The following PTPRQ variants were observed in gnomAD, a reference collection of about 807,000 sequenced individuals.
PTPRQ encodes phosphatidylinositol phosphatase PTPRQ.
In PTPRQ, 199 loss-of-function variants were observed where a neutral mutation model predicts 246.0. That is an observed-to-expected ratio of 0.81 (90% CI 0.72 to 0.91). PTPRQ has a LOEUF of 0.91. Among genes scored for constraint, PTPRQ ranks in the 40% least tolerant of loss-of-function variants. The probability of loss-of-function intolerance (pLI) is 0.00; values close to 1 mark genes in which losing one functional copy is unlikely to be tolerated. For synonymous variants in PTPRQ, 869 were observed against 853.2 expected (o/e 1.02, Z -0.32); for missense variants, 2,624 against 2,528.4 (o/e 1.04, Z -0.81).
chr12:80,455,441 T>C (rs897077665), intron 3 of PTPRQ, among the ~76,000 whole-genome samples: 2 of 152,226 alleles, frequency 1.3e-5, no homozygotes, highest in African/African-American at 4.8e-5. Flanking sequence ...TGTTTTTACA[T>C]GTCTGTTGAC....
intron 28 of PTPRQ, 69 bp downstream of exon 28, chr12:80,610,694 ACTCCACC>A (rs1201683641): frequency 2.0e-6 from 3 of 1,497,076 alleles, no homozygotes; most frequent in Admixed American, 2.2e-5. Context: ...AGTTCATCAT[ACTCCACC>A]AAAAAAGGAT....
Position 80,542,502 on chromosome 12 carries a change from A to ATT in PTPRQ, c.3721+146_3721+147dup, listed in dbSNP as rs34864634. 9.0e-6 allele frequency: 12 copies of ATT among 1,331,514 alleles called. No homozygotes were observed. In the African/African-American group the frequency reaches 1.4e-4, roughly 15 times the overall value. 82.5% of individuals were successfully genotyped at this position (1,331,514 alleles called of 1,614,324 possible). ...CCTTACCATTATATTTACTTTGTTG[A>ATT]TTTTTTTTTGCAATTTGAGCTTCAG... On this transcript the variant is annotated intron_variant, in intron 22 of 44. Transcript: ENST00000644991.
intron 8 of PTPRQ, among the ~76,000 whole-genome samples, chr12:80,475,957 T>G (rs1452050613): frequency 6.6e-6 from 1 of 152,100 alleles, no homozygotes; most frequent in African/African-American, 2.4e-5. Context: ...CACATTAGTG[T>G]GTTGCGTTGA....
rs565998270 is a variant in PTPRQ, at chr12:80,623,782, A to C, written c.5686+1648A>C. Among the ~76,000 whole-genome samples the C allele has an allele frequency of 2.6e-5, 4 of 152,272 alleles. No homozygotes were observed. In the East Asian group the frequency reaches 7.7e-4, roughly 29 times the overall value. ...TCATGGGAAGGCAACATGTTCCGTC[A>C]GTTATCTGAGAGGCAAAGTTGAGAC... On this transcript the variant is annotated intron_variant, in intron 33 of 44. Transcript: ENST00000644991.
chr12:80,597,634 T>A (rs1898012101), intron 26 of PTPRQ, among the ~76,000 whole-genome samples: 1 of 152,004 alleles, frequency 6.6e-6, no homozygotes, highest in African/African-American at 2.4e-5. Flanking sequence ...AGAGTTGTAA[T>A]CATTGGTCAT....
chr12:80,636,869 C>T (rs960193535), intron 35 of PTPRQ, among the ~76,000 whole-genome samples: 4 of 152,146 alleles, frequency 2.6e-5, no homozygotes, highest in Admixed American at 6.5e-5. Context: ...AGGTTACATT[C>T]GAGGCAGACT....
intron 26 of PTPRQ, among the ~76,000 whole-genome samples, chr12:80,596,120 A>C (rs1897963379): frequency 1.3e-5 from 2 of 152,078 alleles, no homozygotes; most frequent in South Asian, 2.1e-4. Flanking sequence ...TTGATGGTCC[A>C]TGAAAGAACA....
intron 25 of PTPRQ, among the ~76,000 whole-genome samples, chr12:80,570,139 A>T (rs963290890): frequency 6.6e-6 from 1 of 152,046 alleles, no homozygotes; most frequent in Non-Finnish European, 1.5e-5. Flanking sequence ...CTAGTTCTAG[A>T]TCCTTGAGGA....
intron 28 of PTPRQ, among the ~76,000 whole-genome samples, chr12:80,612,406 A>G (rs1263050837): frequency 6.6e-6 from 1 of 150,512 alleles, no homozygotes; most frequent in African/African-American, 2.4e-5. Flanking sequence ...CAAACAAACA[A>G]AAAATGACAA....
intron 23 of PTPRQ, 45 bp from the exon 24 acceptor site, chr12:80,546,511 T>C (rs1896309860): frequency 1.3e-6 from 2 of 1,508,054 alleles, no homozygotes; most frequent in Admixed American, 2.4e-5. Flanking sequence ...TGATGAACAA[T>C]TTTTTGACAG....
chr12:80,596,710 C>T (rs1897981194), intron 26 of PTPRQ, among the ~76,000 whole-genome samples: 1 of 151,940 alleles, frequency 6.6e-6, no homozygotes. Context: ...GCATTAGGCC[C>T]TAGGTCAGCA....
At chr12:80,619,610 T>C in intron 31 of PTPRQ, 68 bp downstream of exon 31, 1 of 1,287,480 alleles carries the variant, frequency 7.8e-7, no homozygotes, top group Non-Finnish European at 9.9e-7. Context: ...AAAAAGAATT[T>C]AGTTCAAATT....
rs568711688 is a variant in PTPRQ at position 80,541,773 on chromosome 12, A to C, written c.3373A>C (p.Ile1125Leu). The C allele has an allele frequency of 1.3e-5, 20 of 1,551,036 alleles. No individual in the cohort carries two copies. The South Asian group carries it at 2.3e-4, about 18-fold the overall frequency. ...AAAATACACTGATTATATATTAAAA[A>C]TTACTCCATCAACAGAAAAGGGATT... ...LEKYTDYILK[I>L]TPSTEKGFSD... The change falls in exon 21 of 45, where the codon ATT (isoleucine) becomes CTT (leucine). Residue 1125 changes from isoleucine to leucine, a missense_variant. By Grantham distance (5) the Ile-to-Leu change is conservative. Coordinates refer to ENST00000644991, the MANE Select transcript of PTPRQ (RefSeq NM_001145026.2).
intron 38 of PTPRQ, among the ~76,000 whole-genome samples, chr12:80,656,990 C>T (rs1215270139): frequency 6.7e-6 from 1 of 150,220 alleles, no homozygotes; most frequent in Non-Finnish European, 1.5e-5. Context: ...TTTATAATGA[C>T]AACTTTGACA....
intron 38 of PTPRQ, among the ~76,000 whole-genome samples, chr12:80,657,249 G>A (rs1437473052): frequency 2.4e-4 from 36 of 151,748 alleles, no homozygotes; most frequent in Admixed American, 2.4e-3. Context: ...AAGGAAAGAA[G>A]CTCAGTTTCA....
In PTPRQ at chr12:80,661,669, C is replaced by T. The variant is rs566878583; in HGVS notation, c.6192+3608C>T. 1.3e-4 allele frequency among the ~76,000 whole-genome samples: 19 copies of T among 151,632 alleles called. No homozygotes were observed. The South Asian group carries it at 2.9e-3, about 23-fold the overall frequency. On this transcript the variant is annotated intron_variant, in intron 39 of 44. Coordinates refer to ENST00000644991, the MANE Select transcript of PTPRQ (RefSeq NM_001145026.2). ...GAGTAAATATAAACTGCACATTTTA[C>T]ATTTTTTTTCCCTAGAGCTTATATG...
At chr12:80,620,994 G>T (rs928903242) in intron 32 of PTPRQ, among the ~76,000 whole-genome samples, 5 of 151,474 alleles carry the variant, frequency 3.3e-5, no homozygotes, top group African/African-American at 1.2e-4. Flanking sequence ...TTTTTGTATT[G>T]TAAGACTACA....
intron 36 of PTPRQ, 35 bp from the exon 37 acceptor site, chr12:80,649,553 A>G (rs2121223532): frequency 1.3e-6 from 2 of 1,547,252 alleles, no homozygotes; most frequent in South Asian, 1.2e-5. Context: ...ATACAATCTA[A>G]CATGACCCTA....
intron 25 of PTPRQ, among the ~76,000 whole-genome samples, chr12:80,571,656 C>T (rs1592669274): frequency 6.6e-6 from 1 of 151,942 alleles, no homozygotes; most frequent in African/African-American, 2.4e-5. Flanking sequence ...ATAGTTTTAA[C>T]TTATACATTT....
Sources: allele counts gnomAD v4.1 joint callset (sites outside exome capture counted in the v4.1 genomes callset), GRCh38; gene constraint gnomAD v4.1.1; transcripts MANE v1.5; gene names NCBI Gene and HGNC (gene_info 2026-07-23, HGNC 2026-07-21).